CRKL: variants seen among roughly 807,000 people sequenced by gnomAD.
CRKL encodes the protein crk-like protein.
CRKL carries 3 observed loss-of-function variants against 23.0 expected under a neutral mutation model. That is an observed-to-expected ratio of 0.13 (90% CI 0.06 to 0.34). CRKL has a LOEUF of 0.34. Ranked by LOEUF, CRKL falls within the 10% of genes least tolerant of loss-of-function variation. The pLI is 1.00. For synonymous variants in CRKL, 188 were observed against 160.7 expected (o/e 1.17, Z -1.28); for missense variants, 256 against 394.5 (o/e 0.65, Z 2.97).
intron 2 of CRKL, among the ~76,000 whole-genome samples, chr22:20,945,927 C>A (rs1004630778): frequency 6.6e-6 from 1 of 152,160 alleles, no homozygotes; most frequent in African/African-American, 2.4e-5. Flanking sequence ...AGTACATGGG[C>A]TTTGTTTTGT....
intron 2 of CRKL, among the ~76,000 whole-genome samples, chr22:20,934,699 A>T (rs901347564): frequency 1.6e-4 from 24 of 152,034 alleles, no homozygotes; most frequent in African/African-American, 5.3e-4. Flanking sequence ...AAGACCCATG[A>T]CCTAGAGGCA....
chr22:20,918,785 T>A (rs1929785178), intron 1 of CRKL, among the ~76,000 whole-genome samples: 1 of 152,148 alleles, frequency 6.6e-6, no homozygotes, highest in Non-Finnish European at 1.5e-5. Flanking sequence ...AGAGACGGTG[T>A]TTCACCATGT....
chr22:20,951,644 CTG>C lies in CRKL; in HGVS notation c.*1802_*1803del. 4.4e-6 allele frequency: 1 copy of C among 225,216 alleles called. No individual in the cohort carries two copies. The highest frequency in any genetic ancestry group is 8.8e-6 in the Non-Finnish European group (1 of 113,052). The allele number at this position is 225,216 out of a possible 1,614,324, so 14.0% of individuals were successfully genotyped here. ...TTCATTTACTGATCATCTGCTGTGA[CTG>C]TGGCCCTGTCTGGAGGTTCCTAGGT... On this transcript the variant is annotated 3_prime_UTR_variant, in exon 3 of 3. Transcript: ENST00000354336.
At chr22:20,923,880 TA>T (rs774192484) in intron 1 of CRKL, among the ~76,000 whole-genome samples, 1,640 of 137,126 alleles carry the variant, frequency 0.012, 15 homozygotes, top group African/African-American at 0.027. Flanking sequence ...GCCTGGCTAC[TA>T]AAAAAAAAAA....
intron 1 of CRKL, among the ~76,000 whole-genome samples, chr22:20,929,612 C>T (rs994000075): frequency 1.1e-4 from 16 of 152,136 alleles, no homozygotes; most frequent in South Asian, 6.2e-4. Context: ...TACAGGCACA[C>T]GCCACCACAC....
rs1229117494 is a variant in CRKL at position 20,951,361 on chromosome 22, A to G, written c.*1516A>G. ...TAGTGTTTTAGTGACTAGGGAGACC[A>G]TTAACTAGTTTATCATTAACCACTT... On this transcript the variant is annotated 3_prime_UTR_variant, in exon 3 of 3. Coordinates refer to ENST00000354336, the MANE Select transcript of CRKL (RefSeq NM_005207.4). 4.7e-5 allele frequency: 11 copies of G among 231,668 alleles called. No individual in the cohort carries two copies. Among genetic ancestry groups the G allele is most frequent in the East Asian group, 3.7e-4 (6 of 16,362 alleles). The allele number at this position is 231,668 out of a possible 1,614,324, so 14.4% of individuals were successfully genotyped here.
In CRKL at chr22:20,918,676, C is replaced by G. The variant is rs1929782462; in HGVS notation, c.311+431C>G. ...GTGCGATCTCGGCTCACTGCAACCT[C>G]CGCCTCCCGGGTTCAAGCGATTCTC... On this transcript the variant is annotated intron_variant, in intron 1 of 2. Transcript: ENST00000354336. 2.0e-5 allele frequency among the ~76,000 whole-genome samples: 3 copies of G among 151,720 alleles called. No individual in the cohort carries two copies. The South Asian group carries it at 6.3e-4, about 32-fold the overall frequency.
At chr22:20,941,536 TTATGTGTGTG>T (rs1569136872) in intron 2 of CRKL, among the ~76,000 whole-genome samples, 10 of 80,720 alleles carry the variant, frequency 1.2e-4, no homozygotes, top group African/African-American at 4.1e-4. Flanking sequence ...TATATATATT[TTATGTGTGTG>T]TGTGTGTGTG....
rs536811539 is a variant in CRKL at position 20,925,099 on chromosome 22, A to T, written c.311+6854A>T. 4.6e-5 allele frequency among the ~76,000 whole-genome samples: 7 copies of T among 151,548 alleles called. No homozygotes were observed. The South Asian group carries it at 1.5e-3, about 32-fold the overall frequency. ...GCTACTCCGGAGGTTGAGACAGGAG[A>T]ATCGCTTGAACCTGGGAGGCAGAGG... On this transcript the variant is annotated intron_variant, in intron 1 of 2. Coordinates refer to ENST00000354336, the MANE Select transcript of CRKL (RefSeq NM_005207.4).
intron 2 of CRKL, among the ~76,000 whole-genome samples, chr22:20,945,033 A>C (rs968112522): frequency 6.7e-5 from 10 of 149,134 alleles, no homozygotes; most frequent in African/African-American, 2.2e-4. Flanking sequence ...TCGCTCTATC[A>C]CCCGGGCTGG....
chr22:20,920,842 T>C (rs886278840), intron 1 of CRKL, among the ~76,000 whole-genome samples: 2 of 152,176 alleles, frequency 1.3e-5, no homozygotes, highest in African/African-American at 4.8e-5. Context: ...TCACAGATTA[T>C]AGGGCCTTTC....
intron 2 of CRKL, among the ~76,000 whole-genome samples, chr22:20,944,691 C>T (rs768149492): frequency 2.0e-5 from 3 of 152,148 alleles, no homozygotes; most frequent in Non-Finnish European, 4.4e-5. Flanking sequence ...GCATGAGCCA[C>T]CGCACAGCCT....
intron 2 of CRKL, among the ~76,000 whole-genome samples, chr22:20,942,813 G>A (rs906968252): frequency 1.3e-5 from 2 of 152,106 alleles, no homozygotes; most frequent in African/African-American, 4.8e-5. Flanking sequence ...AGTAGAGACA[G>A]GGTTTTGCCA....
At position 20,926,892 on chromosome 22, in the gene CRKL, G is replaced by A. The variant is rs115231676; in HGVS notation, c.312-6887G>A. Among the ~76,000 whole-genome samples, 986 of 151,948 alleles carry A rather than the reference G, an allele frequency of 6.5e-3. 13 individuals are homozygous for A. Among genetic ancestry groups the A allele is most frequent in the African/African-American group, 0.023 (938 of 41,434 alleles). On this transcript the variant is annotated intron_variant, in intron 1 of 2. Transcript: ENST00000354336. The stretch of plus-strand genomic sequence containing the variant: ...CTTGGGAGGCGGAGGCAGGTGGATT[G>A]CCTGAGCTCATGCGTTCGAGACCAG...
intron 2 of CRKL, among the ~76,000 whole-genome samples, chr22:20,946,599 G>A (rs953180990): frequency 1.3e-5 from 2 of 151,988 alleles, no homozygotes; most frequent in Admixed American, 6.6e-5. Flanking sequence ...AGTTTGCCCC[G>A]TGAACTGAGT....
At chr22:20,923,153 C>T (rs759170563) in intron 1 of CRKL, among the ~76,000 whole-genome samples, 18 of 151,956 alleles carry the variant, frequency 1.2e-4, no homozygotes, top group Non-Finnish European at 2.5e-4. Context: ...GGAAGTTGGC[C>T]CTTCAAGAAA....
intron 1 of CRKL, among the ~76,000 whole-genome samples, chr22:20,929,733 T>G (rs1293095170): frequency 6.6e-6 from 1 of 152,224 alleles, no homozygotes. Context: ...AGTGCTAGGA[T>G]TGCAGGCATG....
chr22:20,937,353 G>T (rs1921702582), intron 2 of CRKL, among the ~76,000 whole-genome samples: 1 of 151,692 alleles, frequency 6.6e-6, no homozygotes, highest in Non-Finnish European at 1.5e-5. Context: ...TGTGACTCGT[G>T]TGTGTTTGGC....
intron 1 of CRKL, among the ~76,000 whole-genome samples, chr22:20,933,364 C>A (rs1363766875): frequency 6.9e-6 from 1 of 145,162 alleles, no homozygotes; most frequent in African/African-American, 2.6e-5. Context: ...AACAAGACTC[C>A]ATCTCCAAAA....
Sources: gnomAD v4.1 joint callset for allele counts (sites outside exome capture counted in the v4.1 genomes callset) on GRCh38, gnomAD v4.1.1 for gene constraint, MANE v1.5 for transcripts, NCBI Gene and HGNC (gene_info 2026-07-23, HGNC 2026-07-21) for gene names.